The following ATR variants were observed in gnomAD, a reference collection of about 807,000 sequenced individuals.
The protein encoded by ATR is ATR checkpoint kinase, also known as serine/threonine-protein kinase ATR.
A neutral mutation model predicts 305.3 loss-of-function variants in ATR; 142 were observed. The observed-to-expected ratio is 0.47, with a 90% CI of 0.41 to 0.53. The LOEUF (loss-of-function observed/expected upper bound fraction) is 0.53. Among genes scored for constraint, ATR ranks in the 20% least tolerant of loss-of-function variants. ATR has a pLI of 0.00. For missense variants in ATR, 2,135 were observed against 3,133.1 expected (o/e 0.68, Z 7.60); for synonymous variants, 1,050 against 1,068.1 (o/e 0.98, Z 0.33).
At chr3:142,526,153 C>G (rs2033379933) in intron 21 of ATR, among the ~76,000 whole-genome samples, 1 of 152,048 alleles carries the variant, frequency 6.6e-6, no homozygotes, top group African/African-American at 2.4e-5. Flanking sequence ...AAAAAAATTT[C>G]TACCTAGTTA....
intron 40 of ATR, chr3:142,465,841 C>A (rs9832315): frequency 0.06 from 10,187 of 171,176 alleles, 1,047 homozygotes; most frequent in African/African-American, 0.23. Context: ...CCCGTATCTA[C>A]AAAAAATTTA....
At chr3:142,517,362 A>C (rs1055396208) in intron 24 of ATR, among the ~76,000 whole-genome samples, 3 of 151,684 alleles carry the variant, frequency 2.0e-5, no homozygotes, top group South Asian at 2.1e-4. Flanking sequence ...AAAAAAAAAA[A>C]AACATAAAGT....
chr3:142,561,835 G>A (rs561546846), intron 4 of ATR, among the ~76,000 whole-genome samples: 4 of 152,230 alleles, frequency 2.6e-5, no homozygotes, highest in East Asian at 3.9e-4. Flanking sequence ...AGAAAAAAGC[G>A]CATAATTTGG....
At chr3:142,476,104 C>T (rs529245906) in intron 36 of ATR, among the ~76,000 whole-genome samples, 10,824 of 152,030 alleles carry the variant, frequency 0.071, 581 homozygotes, top group Middle Eastern at 0.18. Context: ...TTTAATTAGA[C>T]CCCATTTGTC....
chr3:142,464,767 T>C (rs1002054799), intron 41 of ATR, among the ~76,000 whole-genome samples: 4 of 152,132 alleles, frequency 2.6e-5, no homozygotes, highest in Admixed American at 6.5e-5. Context: ...TTTGGGAAGA[T>C]GAAAAAAGTT....
intron 1 of ATR, among the ~76,000 whole-genome samples, chr3:142,571,768 T>G (rs540392418): frequency 8.5e-5 from 13 of 152,264 alleles, no homozygotes; most frequent in Admixed American, 1.3e-4. Context: ...AGAGTGAATT[T>G]TTTTCTTTTT....
chr3:142,496,129 A>G (rs2031575388), intron 34 of ATR, among the ~76,000 whole-genome samples: 1 of 151,422 alleles, frequency 6.6e-6, no homozygotes, highest in Admixed American at 6.6e-5. Context: ...TGAAATGGGA[A>G]GGTATCTGGG....
In ATR at chr3:142,536,088, A is replaced by G. The variant is rs770787323; in HGVS notation, c.3819+20T>C. ...TTCTGTATTAATGATCTCCTAAACC[A>G]CAAATTAAAAATTAAATACCTTTCT... On this transcript the variant is annotated intron_variant, in intron 20 of 46. Coordinates refer to ENST00000350721, the MANE Select transcript of ATR (RefSeq NM_001184.4). The G allele has an allele frequency of 1.6e-5, 24 of 1,496,816 alleles. No homozygotes were observed. The highest frequency in any genetic ancestry group is 1.7e-4 in the Middle Eastern group (1 of 5,834). The allele number at this position is 1,496,816 out of a possible 1,614,324, so 92.7% of individuals were successfully genotyped here.
At chr3:142,460,168 T>C (rs369292243) in intron 42 of ATR, among the ~76,000 whole-genome samples, 1 of 152,052 alleles carries the variant, frequency 6.6e-6, no homozygotes, top group East Asian at 1.9e-4. Flanking sequence ...GCACTGTCCA[T>C]AAAATAGGGA....
rs545218262 is a variant in ATR at position 142,513,686 on chromosome 3, T to G, written c.4504-48A>C. 3 of 1,580,382 alleles carry G rather than the reference T, an allele frequency of 1.9e-6. No homozygotes were observed. In the South Asian group the frequency reaches 3.3e-5, roughly 18 times the overall value. On this transcript the variant is annotated intron_variant, in intron 25 of 46. Transcript: ENST00000350721. ...CAGTAACACACTTTCACATATTGATTAAATGTCAAAGAGTAGCATGTGAGA... is the reference window on the plus strand; with the variant it reads ...CAGTAACACACTTTCACATATTGATGAAATGTCAAAGAGTAGCATGTGAGA...
At chr3:142,491,537 T>C (rs1415154029) in intron 35 of ATR, among the ~76,000 whole-genome samples, 1 of 152,248 alleles carries the variant, frequency 6.6e-6, no homozygotes. Flanking sequence ...TAAGTTGTTG[T>C]GTCTTACATA....
intron 27 of ATR, among the ~76,000 whole-genome samples, chr3:142,510,514 T>C (rs1175659746): frequency 6.6e-6 from 1 of 151,958 alleles, no homozygotes; most frequent in Non-Finnish European, 1.5e-5. Context: ...TATAAAAATA[T>C]ATTAATAGCC....
rs1450333609 is a variant in ATR, at chr3:142,558,898, A to G, written c.1733-122T>C. 13 of 1,026,710 alleles carry G rather than the reference A, an allele frequency of 1.3e-5. No individual in the cohort carries two copies. The East Asian group carries it at 2.4e-4, about 19-fold the overall frequency. The allele number at this position is 1,026,710 out of a possible 1,614,324, so 63.6% of individuals were successfully genotyped here. On this transcript the variant is annotated intron_variant, in intron 7 of 46. Coordinates refer to ENST00000350721, the MANE Select transcript of ATR (RefSeq NM_001184.4). ...CATTGGATAAGCAGAAATTCTTAAC[A>G]CAGAGATCTATAAACGATGGTCTGA...
At chr3:142,515,598 A>C in intron 24 of ATR, 83 bp from the exon 25 acceptor site, 1 of 1,403,096 alleles carries the variant, frequency 7.1e-7, no homozygotes, top group Non-Finnish European at 9.9e-7. Flanking sequence ...CCTTCAGTTG[A>C]CTACCTCAGT....
At chr3:142,578,431 C>A (rs1469391897) in intron 1 of ATR, among the ~76,000 whole-genome samples, 1 of 152,212 alleles carries the variant, frequency 6.6e-6, no homozygotes, top group Non-Finnish European at 1.5e-5. Flanking sequence ...CCCCCACGGA[C>A]CGGCTTCCCG....
chr3:142,459,086 G>A lies in ATR; in HGVS notation c.7375C>T (p.Arg2459Cys), dbSNP rs762621866. 50 of 1,613,832 alleles carry A rather than the reference G, an allele frequency of 3.1e-5. No individual in the cohort carries two copies. Among genetic ancestry groups the A allele is most frequent in the East Asian group, 4.5e-5 (2 of 44,880 alleles). ...SWYSSRSAYC[R>C]STAVMSMVGY... Reference sequence around the variant, plus strand: ...ACCATTGACATTACTGCAGTGGAACGGCAGTAAGCTGATCTACTACTGTAC... The same window carrying A: ...ACCATTGACATTACTGCAGTGGAACAGCAGTAAGCTGATCTACTACTGTAC... The change falls in exon 44 of 47, where the codon CGT becomes TGT. Residue 2459 changes from arginine to cysteine, a missense_variant. Arg to Cys is a radical substitution (Grantham distance 180). Around this residue, in one of 9 missense-constraint regions of ATR, gnomAD observed 462 missense variants for 887.6 expected, o/e 0.52. Transcript: ENST00000350721.
At chr3:142,574,319 AGGCATGGT>A (rs2035367354) in intron 1 of ATR, among the ~76,000 whole-genome samples, 1 of 151,472 alleles carries the variant, frequency 6.6e-6, no homozygotes, top group Admixed American at 6.6e-5. Context: ...AAAATTAGCC[AGGCATGGT>A]GGCACACACC....
At chr3:142,564,934 T>G (rs982840181) in intron 3 of ATR, among the ~76,000 whole-genome samples, 25 of 151,970 alleles carry the variant, frequency 1.6e-4, no homozygotes, top group African/African-American at 5.3e-4. Context: ...TTCTGTTTTG[T>G]TTTGGTTTGG....
Position 142,485,351 on chromosome 3 carries a change from A to G in ATR, c.6079-69T>C, listed in dbSNP as rs2108312166. The G allele has an allele frequency of 1.9e-6, 3 of 1,559,740 alleles. 1 individual carries two copies. The highest frequency in any genetic ancestry group is 2.6e-6 in the Non-Finnish European group (3 of 1,140,914). On this transcript the variant is annotated intron_variant, in intron 35 of 46. Coordinates refer to ENST00000350721, the MANE Select transcript of ATR (RefSeq NM_001184.4). The stretch of plus-strand genomic sequence containing the variant: ...CTATGCTGGGAAGTAAAATATGAAT[A>G]GATGATTAGGGATCAAAAGTATGTG...
Sources: gnomAD v4.1 joint callset for allele counts (sites outside exome capture counted in the v4.1 genomes callset) on GRCh38, gnomAD v4.1.1 for gene constraint, gnomAD v4.1.1 regional missense constraint, MANE v1.5 for transcripts, NCBI Gene and HGNC (gene_info 2026-07-23, HGNC 2026-07-21) for gene names.